The following PPP1R42 variants were observed in gnomAD, a reference collection of about 807,000 sequenced individuals.
The protein encoded by PPP1R42 is leucine rich repeat containing 67.
In PPP1R42, 34 loss-of-function variants were observed where a neutral mutation model predicts 31.0. That is an observed-to-expected ratio of 1.10 (90% CI 0.83 to 1.46). The LOEUF (loss-of-function observed/expected upper bound fraction) is 1.46. Ranked by LOEUF, PPP1R42 falls within the 40% of genes most tolerant of loss-of-function variation. The pLI is 0.00. For missense variants in PPP1R42, 268 were observed against 303.0 expected (o/e 0.88, Z 0.86); for synonymous variants, 103 against 109.8 (o/e 0.94, Z 0.39).
chr8:66,985,908 C>T, intron 6 of PPP1R42: 2 of 895,212 alleles, frequency 2.2e-6, no homozygotes, highest in African/African-American at 1.6e-5. Context: ...TTCTTTACTC[C>T]TGATGATTCC....
intron 6 of PPP1R42, chr8:66,984,258 G>A (rs1814934227): frequency 6.8e-7 from 1 of 1,468,060 alleles, no homozygotes; most frequent in Non-Finnish European, 9.5e-7. Context: ...TCTCTCCAAA[G>A]CTCCGGTCTT....
At chr8:66,998,696 C>T (rs1406988304) in intron 5 of PPP1R42, among the ~76,000 whole-genome samples, 4 of 152,226 alleles carry the variant, frequency 2.6e-5, no homozygotes, top group Non-Finnish European at 5.9e-5. Flanking sequence ...ATATAGATGC[C>T]TACTATCAGG....
intron 5 of PPP1R42, among the ~76,000 whole-genome samples, chr8:66,993,745 C>T (rs1185071459): frequency 6.6e-6 from 1 of 152,126 alleles, no homozygotes; most frequent in East Asian, 1.9e-4. Flanking sequence ...TCCTCAAGGC[C>T]AGGGATCATA....
intron 7 of PPP1R42, among the ~76,000 whole-genome samples, chr8:66,980,264 G>C (rs1388142386): frequency 6.6e-6 from 1 of 152,004 alleles, no homozygotes; most frequent in African/African-American, 2.4e-5. Flanking sequence ...GTCTTGCTCT[G>C]TTCCCCAGGC....
chr8:66,980,350 C>T (rs371014321), intron 7 of PPP1R42, among the ~76,000 whole-genome samples: 11 of 152,226 alleles, frequency 7.2e-5, no homozygotes, highest in African/African-American at 2.6e-4. Flanking sequence ...CCTCAGCCTT[C>T]CAAGTAGCTG....
At chr8:66,984,327 A>G in intron 6 of PPP1R42, 1 of 1,276,580 alleles carries the variant, frequency 7.8e-7, no homozygotes, top group Non-Finnish European at 1.1e-6. Context: ...CTTCCTCATC[A>G]GGTTCCTCAT....
At chr8:67,009,640 T>G (rs1369630858) in intron 5 of PPP1R42, among the ~76,000 whole-genome samples, 1 of 152,220 alleles carries the variant, frequency 6.6e-6, no homozygotes, top group African/African-American at 2.4e-5. Context: ...ATTTTTCACA[T>G]TGTAAGTTGA....
intron 2 of PPP1R42, 143 bp downstream of exon 2, chr8:67,017,476 A>G: frequency 2.5e-6 from 1 of 400,414 alleles, no homozygotes; most frequent in East Asian, 4.6e-5. Flanking sequence ...CCTGGGCAAC[A>G]GACGGAGAGA....
intron 6 of PPP1R42, 146 bp from the exon 7 acceptor site, chr8:66,982,326 G>C: frequency 2.5e-6 from 1 of 404,814 alleles, no homozygotes; most frequent in Non-Finnish European, 4.3e-6. Flanking sequence ...ATTATACAAC[G>C]CATGTACTTT....
intron 1 of PPP1R42, among the ~76,000 whole-genome samples, chr8:67,025,544 G>GTTTTTTTTTT (rs112945724): frequency 7.1e-6 from 1 of 141,422 alleles, no homozygotes; most frequent in African/African-American, 2.6e-5. Context: ...CCATCTTAGG[G>GTTTTTTTTTT]TTTTTTTTTT....
chr8:66,982,581 C>T (rs567476757), intron 6 of PPP1R42, among the ~76,000 whole-genome samples: 42 of 152,080 alleles, frequency 2.8e-4, no homozygotes, highest in Admixed American at 2.1e-3. Context: ...CTCAGCCTCC[C>T]GAATAGCTGG....
chr8:67,024,046 T>C (rs549069456), intron 1 of PPP1R42, among the ~76,000 whole-genome samples: 75 of 152,038 alleles, frequency 4.9e-4, no homozygotes, highest in Middle Eastern at 3.4e-3. Flanking sequence ...CTCAGGAGGC[T>C]GAGGCAGGAG....
chr8:66,981,908 T>A, intron 7 of PPP1R42, 141 bp downstream of exon 7: 1 of 854,164 alleles, frequency 1.2e-6, no homozygotes, highest in Non-Finnish European at 1.6e-6. Flanking sequence ...TACAACTAAG[T>A]AAATAAGTTT....
intron 1 of PPP1R42, chr8:67,021,301 G>T (rs1161978807): frequency 6.6e-6 from 1 of 152,052 alleles, no homozygotes; most frequent in Non-Finnish European, 1.5e-5. Flanking sequence ...AATATTTGAA[G>T]ATATGGAATG....
rs898884075 is a variant in PPP1R42, at chr8:66,984,892, T to C, written c.671-2712A>G. 9 of 1,559,438 alleles carry C rather than the reference T, an allele frequency of 5.8e-6. No individual in the cohort carries two copies. The African/African-American group carries it at 8.1e-5, about 14-fold the overall frequency. ...CCTTGTCTGTCTCTGAAGTTTTTTC[T>C]GTTCCTTCTTGGTAAGATACACTCC... On this transcript the variant is annotated intron_variant, in intron 6 of 7. Coordinates refer to ENST00000685739, the MANE Select transcript of PPP1R42 (RefSeq NM_001364910.1).
intron 7 of PPP1R42, among the ~76,000 whole-genome samples, chr8:66,976,961 T>G (rs969173534): frequency 2.0e-5 from 3 of 152,138 alleles, no homozygotes; most frequent in Non-Finnish European, 4.4e-5. Context: ...TCTTCTTCTT[T>G]TTTTAATTCA....
Position 66,964,338 on chromosome 8 carries a change from T to G in PPP1R42, c.803-4A>C, listed in dbSNP as rs1252537842. On this transcript the variant is annotated splice_region_variant and splice_polypyrimidine_tract_variant and intron_variant, in intron 7 of 7. Transcript: ENST00000685739. ...AGATTGCTTCAAAGAGAGATTCCTGTATTTATAGAGAGGGAAAAAAAAGCA... is the reference window on the plus strand; with the variant it reads ...AGATTGCTTCAAAGAGAGATTCCTGGATTTATAGAGAGGGAAAAAAAAGCA... The G allele has an allele frequency of 2.8e-5, 35 of 1,249,416 alleles. No individual in the cohort carries two copies. The highest frequency in any genetic ancestry group is 3.6e-5 in the Non-Finnish European group (35 of 975,204). The allele number at this position is 1,249,416 out of a possible 1,614,324, so 77.4% of individuals were successfully genotyped here. A position where few individuals can be genotyped will look rare whatever the true frequency, so the allele number is the denominator to read the frequency against.
At chr8:66,987,587 C>T (rs1365562470) in intron 6 of PPP1R42, among the ~76,000 whole-genome samples, 3 of 152,084 alleles carry the variant, frequency 2.0e-5, no homozygotes, top group Non-Finnish European at 4.4e-5. Context: ...CCACCGCGCC[C>T]GGCCTCAAAT....
intron 6 of PPP1R42, chr8:66,984,113 G>A: frequency 5.7e-6 from 9 of 1,579,912 alleles, no homozygotes; most frequent in Non-Finnish European, 7.8e-6. Flanking sequence ...AGAGGGGAGA[G>A]GCAAGGGCTT....
Sources: allele counts gnomAD v4.1 joint callset (sites outside exome capture counted in the v4.1 genomes callset), GRCh38; gene constraint gnomAD v4.1.1; transcripts MANE v1.5; gene names NCBI Gene and HGNC (gene_info 2026-07-23, HGNC 2026-07-21).